The following PLOD2 variants were observed in gnomAD, a reference collection of about 807,000 sequenced individuals.
The protein encoded by PLOD2 is procollagen-lysine,2-oxoglutarate 5-dioxygenase 2.
PLOD2 carries 65 observed loss-of-function variants against 101.0 expected under a neutral mutation model. The observed-to-expected ratio is 0.64, with a 90% CI of 0.53 to 0.79. The LOEUF is 0.79. PLOD2 is among the 30% of genes least tolerant of loss of function. The probability of loss-of-function intolerance (pLI) is 0.00; values close to 1 mark genes in which losing one functional copy is unlikely to be tolerated. For synonymous variants in PLOD2, 314 were observed against 302.9 expected (o/e 1.04, Z -0.38); for missense variants, 909 against 914.6 (o/e 0.99, Z 0.08).
intron 1 of PLOD2, 78 bp downstream of exon 1, chr3:146,160,803 G>A (rs2032538170): frequency 2.2e-6 from 2 of 913,160 alleles, no homozygotes; most frequent in East Asian, 5.3e-5. Flanking sequence ...CCAGCCCCGC[G>A]GAAGGGCTGG....
chr3:146,106,463 C>T (rs1344804161), intron 5 of PLOD2, 69 bp downstream of exon 5: 3 of 799,262 alleles, frequency 3.8e-6, no homozygotes, highest in Non-Finnish European at 6.8e-6. Flanking sequence ...CTGACCACTC[C>T]ACATTAACAC....
At chr3:146,093,896 T>C (rs985992870) in intron 7 of PLOD2, among the ~76,000 whole-genome samples, 1 of 152,182 alleles carries the variant, frequency 6.6e-6, no homozygotes, top group Admixed American at 6.5e-5. Context: ...CCTCTGCTTT[T>C]TATCTCAATT....
intron 1 of PLOD2, among the ~76,000 whole-genome samples, chr3:146,139,725 C>A (rs2031428069): frequency 6.6e-6 from 1 of 152,120 alleles, no homozygotes; most frequent in Non-Finnish European, 1.5e-5. Flanking sequence ...CCAACAGTTA[C>A]ACATTCCTGT....
At chr3:146,081,923 T>C in intron 11 of PLOD2, 60 bp from the exon 12 acceptor site, 1 of 1,464,264 alleles carries the variant, frequency 6.8e-7, no homozygotes, top group Non-Finnish European at 9.3e-7. Context: ...TATTTTTAAA[T>C]TACCACAGAA....
At chr3:146,124,279 T>TCA (rs1332473741) in intron 1 of PLOD2, 50 bp from the exon 2 acceptor site, 2 of 1,032,990 alleles carry the variant, frequency 1.9e-6, no homozygotes, top group Middle Eastern at 2.1e-4. Context: ...TATCAAATGC[T>TCA]CACATTTTAC....
intron 16 of PLOD2, 116 bp from the exon 17 acceptor site, chr3:146,072,781 TTC>T: frequency 1.4e-6 from 1 of 711,184 alleles, no homozygotes; most frequent in Non-Finnish European, 2.5e-6. Context: ...AAACATAGTT[TTC>T]TGTCATGGTT....
In PLOD2 at chr3:146,086,854, T is replaced by C; in HGVS notation, c.1060A>G (p.Ile354Val). ...GGTCCTACTATTTTTATAGTTTTGA[T>C]TTCATGCTTAGCTTTATCAAAAAAT... ...KVFFDKAKHE[I>V]KTIKIVGPEE... The change falls in exon 10 of 20, where the codon ATC (isoleucine) becomes GTC (valine). Residue 354 changes from isoleucine to valine, a missense_variant. By Grantham distance (29) the Ile-to-Val change is conservative (BLOSUM62 3). Coordinates refer to ENST00000282903, the MANE Select transcript of PLOD2 (RefSeq NM_182943.3). 5 of 1,540,318 alleles carry C rather than the reference T, an allele frequency of 3.2e-6. No individual in the cohort carries two copies. Among genetic ancestry groups the C allele is most frequent in the Non-Finnish European group, 4.4e-6 (5 of 1,125,704 alleles).
chr3:146,135,083 C>A (rs1216810967), intron 1 of PLOD2, among the ~76,000 whole-genome samples: 1 of 152,132 alleles, frequency 6.6e-6, no homozygotes, highest in African/African-American at 2.4e-5. Flanking sequence ...TTGCCATGAA[C>A]ACATAATAAC....
rs1450339632 is a variant in PLOD2, at chr3:146,091,815, G to A, written c.864C>T (p.Asp288=). The A allele has an allele frequency of 8.2e-6, 13 of 1,584,838 alleles. No individual in the cohort carries two copies. The highest frequency in any genetic ancestry group is 1.0e-5 in the Non-Finnish European group (12 of 1,153,712). Residue 288 remains aspartate, a synonymous_variant, in exon 8 of 20, where the codon GAC becomes GAT. Transcript: ENST00000282903. ...TTCCACTTACATCTACTGCAGACAA[G>A]TCGACTGTATCGAATTCACAAAGAG... ...GCTLCEFDTV[D]LSAVDVHPNV...
At chr3:146,153,378 C>T (rs964508024) in intron 1 of PLOD2, among the ~76,000 whole-genome samples, 1 of 152,078 alleles carries the variant, frequency 6.6e-6, no homozygotes, top group Non-Finnish European at 1.5e-5. Context: ...GTTTAAAGAA[C>T]CTGTTAGAGA....
chr3:146,143,118 C>T (rs908308220), intron 1 of PLOD2, among the ~76,000 whole-genome samples: 2 of 152,066 alleles, frequency 1.3e-5, no homozygotes, highest in Non-Finnish European at 2.9e-5. Context: ...TTAAACACTC[C>T]GACCGCCCTT....
At chr3:146,092,646 G>A (rs372964298) in intron 7 of PLOD2, among the ~76,000 whole-genome samples, 19 of 152,076 alleles carry the variant, frequency 1.2e-4, no homozygotes, top group African/African-American at 4.3e-4. Flanking sequence ...ACAGCTATTG[G>A]TATTCATTTT....
chr3:146,158,432 C>G (rs946753565), intron 1 of PLOD2, among the ~76,000 whole-genome samples: 2 of 152,146 alleles, frequency 1.3e-5, no homozygotes, highest in African/African-American at 4.8e-5. Context: ...CAACTCTGGT[C>G]AACAAAGCAC....
intron 1 of PLOD2, among the ~76,000 whole-genome samples, chr3:146,147,039 T>C (rs1026063171): frequency 6.6e-6 from 1 of 152,048 alleles, no homozygotes; most frequent in Non-Finnish European, 1.5e-5. Context: ...GGCACAGCAA[T>C]TCAAGAGATA....
At chr3:146,118,005 G>C (rs1200065515) in intron 3 of PLOD2, among the ~76,000 whole-genome samples, 1 of 152,102 alleles carries the variant, frequency 6.6e-6, no homozygotes, top group Non-Finnish European at 1.5e-5. Flanking sequence ...CCAAAAGGAA[G>C]CTTGAGGATG....
intron 1 of PLOD2, among the ~76,000 whole-genome samples, chr3:146,138,856 G>A (rs923090755): frequency 6.6e-6 from 1 of 152,098 alleles, no homozygotes; most frequent in Non-Finnish European, 1.5e-5. Context: ...TTTAATCCAA[G>A]TATTACTGCT....
At chr3:146,145,731 T>C (rs1006163334) in intron 1 of PLOD2, among the ~76,000 whole-genome samples, 3 of 152,194 alleles carry the variant, frequency 2.0e-5, no homozygotes, top group African/African-American at 4.8e-5. Context: ...CTGAGTCAAA[T>C]TAAATCCTTC....
At chr3:146,128,936 T>C (rs367633400) in intron 1 of PLOD2, among the ~76,000 whole-genome samples, 1 of 117,456 alleles carries the variant, frequency 8.5e-6, no homozygotes, top group Admixed American at 1.2e-4. Flanking sequence ...GGCACTGAAA[T>C]CAATTTTCTT....
chr3:146,118,392 C>T (rs899156065), intron 3 of PLOD2, among the ~76,000 whole-genome samples: 2 of 146,770 alleles, frequency 1.4e-5, no homozygotes, highest in African/African-American at 5.5e-5. Flanking sequence ...TAAGTGTGTA[C>T]GGCACTGGGA....
Sources: allele counts gnomAD v4.1 joint callset (sites outside exome capture counted in the v4.1 genomes callset), GRCh38; gene constraint gnomAD v4.1.1; transcripts MANE v1.5; gene names NCBI Gene and HGNC (gene_info 2026-07-23, HGNC 2026-07-21).